AGBL1: variants seen among roughly 807,000 people sequenced by gnomAD.
AGBL1 encodes cytosolic carboxypeptidase 4.
A neutral mutation model predicts 118.9 loss-of-function variants in AGBL1; 130 were observed. That is an observed-to-expected ratio of 1.09 (90% CI 0.95 to 1.26). The LOEUF is 1.26. Among genes scored for constraint, AGBL1 ranks in the 50% most tolerant of loss-of-function variants. The pLI is 0.00. For missense variants in AGBL1, 1,584 were observed against 1,298.1 expected, an observed-to-expected ratio of 1.22 and a Z score of -3.38; for synonymous variants, 555 against 478.9, an observed-to-expected ratio of 1.16 and a Z score of -2.08.
chr15:86,817,220 A>C (rs1165605072), intron 22 of AGBL1, among the ~76,000 whole-genome samples: 1 of 149,832 alleles, frequency 6.7e-6, no homozygotes, highest in Non-Finnish European at 1.5e-5. Context: ...TGATCTCAGA[A>C]GGCGGAGGTT....
intron 18 of AGBL1, among the ~76,000 whole-genome samples, chr15:86,485,283 A>T (rs1427463659): frequency 2.0e-5 from 3 of 152,164 alleles, no homozygotes; most frequent in Non-Finnish European, 1.5e-5. Flanking sequence ...CTTCGTGCAA[A>T]GTTTGAAGAG....
intron 24 of AGBL1, among the ~76,000 whole-genome samples, chr15:86,999,089 A>T (rs1358334976): frequency 4.6e-5 from 7 of 151,044 alleles, no homozygotes; most frequent in Non-Finnish European, 7.4e-5. Flanking sequence ...CCCACCTATG[A>T]GTGAGAACAT....
intron 23 of AGBL1, among the ~76,000 whole-genome samples, chr15:86,966,046 T>C (rs1023000742): frequency 3.3e-5 from 5 of 151,956 alleles, no homozygotes; most frequent in African/African-American, 1.2e-4. Context: ...CAGTTTATCT[T>C]AGGTAAATTG....
intron 5 of AGBL1, among the ~76,000 whole-genome samples, chr15:86,178,361 A>T (rs2077509861): frequency 6.6e-6 from 1 of 152,202 alleles, no homozygotes; most frequent in South Asian, 2.1e-4. Flanking sequence ...GATAAGAAAA[A>T]GAGAGAAGAC....
At chr15:86,655,844 A>G (rs1359075605) in intron 21 of AGBL1, among the ~76,000 whole-genome samples, 2 of 152,158 alleles carry the variant, frequency 1.3e-5, no homozygotes, top group African/African-American at 2.4e-5. Flanking sequence ...AAGTCTAGCT[A>G]TGGGCTTCGT....
chr15:86,928,742 C>T (rs1016298552), intron 23 of AGBL1, among the ~76,000 whole-genome samples: 1 of 152,140 alleles, frequency 6.6e-6, no homozygotes, highest in African/African-American at 2.4e-5. Context: ...ATGTTTCTGG[C>T]AATAAAGCAT....
intron 5 of AGBL1, among the ~76,000 whole-genome samples, chr15:86,212,742 C>T (rs1351744470): frequency 6.6e-6 from 1 of 152,146 alleles, no homozygotes; most frequent in African/African-American, 2.4e-5. Flanking sequence ...CTCAGCCTCC[C>T]AGGTTCAAGC....
At chr15:86,687,192 T>C (rs1258278551) in intron 22 of AGBL1, among the ~76,000 whole-genome samples, 1 of 152,130 alleles carries the variant, frequency 6.6e-6, no homozygotes, top group Non-Finnish European at 1.5e-5. Flanking sequence ...TTACCTTCAA[T>C]AGAAAAGTTG....
chr15:86,990,668 A>C (rs757770804), intron 24 of AGBL1, among the ~76,000 whole-genome samples: 30 of 152,220 alleles, frequency 2.0e-4, no homozygotes, highest in Non-Finnish European at 3.4e-4. Flanking sequence ...AGATACTATT[A>C]TGACCACCAT....
intron 5 of AGBL1, among the ~76,000 whole-genome samples, chr15:86,178,839 A>T (rs950600291): frequency 6.6e-6 from 1 of 152,230 alleles, no homozygotes; most frequent in Non-Finnish European, 1.5e-5. Flanking sequence ...ATGGAATTTT[A>T]TTCAGCCATA....
At chr15:86,900,545 G>A (rs147750839) in intron 22 of AGBL1, among the ~76,000 whole-genome samples, 1 of 152,090 alleles carries the variant, frequency 6.6e-6, no homozygotes, top group East Asian at 1.9e-4. Context: ...ATAGATTGAG[G>A]TTAAGGCCAA....
At chr15:86,606,663 G>A (rs1394733088) in intron 21 of AGBL1, among the ~76,000 whole-genome samples, 1 of 152,140 alleles carries the variant, frequency 6.6e-6, no homozygotes, top group Non-Finnish European at 1.5e-5. Context: ...ATAATTAACA[G>A]GCTTTTTTGG....
intron 17 of AGBL1, among the ~76,000 whole-genome samples, chr15:86,319,751 T>G (rs1337952461): frequency 3.1e-5 from 1 of 32,706 alleles, no homozygotes; most frequent in Non-Finnish European, 7.1e-5. Context: ...TAGTTTTTTT[T>G]TTTTTTTTTT....
At chr15:86,443,841 C>T (rs2082091646) in intron 18 of AGBL1, among the ~76,000 whole-genome samples, 1 of 147,254 alleles carries the variant, frequency 6.8e-6, no homozygotes, top group Non-Finnish European at 1.5e-5. Context: ...TTTCTTTATC[C>T]ATCCATTCAT....
chr15:86,596,871 C>T (rs376623962), intron 21 of AGBL1, among the ~76,000 whole-genome samples: 17 of 151,938 alleles, frequency 1.1e-4, no homozygotes, highest in African/African-American at 3.9e-4. Context: ...AATTTATGTA[C>T]TATATTTATT....
chr15:86,174,901 G>T (rs2141767282), intron 5 of AGBL1, among the ~76,000 whole-genome samples: 1 of 151,930 alleles, frequency 6.6e-6, no homozygotes, highest in Non-Finnish European at 1.5e-5. Context: ...CTAGTATTTT[G>T]TTTGCTATAT....
intron 22 of AGBL1, among the ~76,000 whole-genome samples, chr15:86,753,225 T>C (rs1269325121): frequency 1.3e-5 from 2 of 151,826 alleles, no homozygotes; most frequent in Admixed American, 1.3e-4. Context: ...GATCCATGGT[T>C]TTTCTGGCTC....
intron 20 of AGBL1, among the ~76,000 whole-genome samples, chr15:86,552,516 C>T (rs1429756075): frequency 6.6e-6 from 1 of 152,148 alleles, no homozygotes; most frequent in Non-Finnish European, 1.5e-5. Context: ...GTCTATTTGA[C>T]CAGCCCCCCA....
intron 22 of AGBL1, among the ~76,000 whole-genome samples, chr15:86,873,858 T>C (rs1375216542): frequency 6.6e-6 from 1 of 152,148 alleles, no homozygotes; most frequent in African/African-American, 2.4e-5. Flanking sequence ...TTCAGCATAA[T>C]AGAAACTATA....
Sources: gnomAD v4.1 joint callset for allele counts (sites outside exome capture counted in the v4.1 genomes callset) on GRCh38, gnomAD v4.1.1 for gene constraint, MANE v1.5 for transcripts, NCBI Gene and HGNC (gene_info 2026-07-23, HGNC 2026-07-21) for gene names.